BSN: variants seen among roughly 807,000 people sequenced by gnomAD.
BSN encodes protein bassoon.
A neutral mutation model predicts 264.8 loss-of-function variants in BSN; 57 were observed. That is an observed-to-expected ratio of 0.22 (90% confidence interval 0.17 to 0.27). The LOEUF (loss-of-function observed/expected upper bound fraction) is 0.27. Among genes scored for constraint, BSN ranks in the 10% least tolerant of loss-of-function variants. The pLI, the probability that BSN is intolerant of heterozygous loss-of-function variation, is 1.00. For synonymous variants in BSN, 2,059 were observed against 2,137.3 expected (o/e 0.96, Z 1.01); for missense variants, 4,615 against 5,232.5 (o/e 0.88, Z 3.64).
chr3:49,600,334 C>G (rs1426167137), intron 1 of BSN, among the ~76,000 whole-genome samples: 1 of 151,984 alleles, frequency 6.6e-6, no homozygotes, highest in Non-Finnish European at 1.5e-5. Flanking sequence ...ATCTGTGGAG[C>G]GTGCAGGGGC....
rs2052432494 is a variant in BSN, at chr3:49,638,065, G to C, written c.634-4203G>C. 6.6e-6 allele frequency among the ~76,000 whole-genome samples: 1 copy of C among 152,244 alleles called. No individual in the cohort carries two copies. Among genetic ancestry groups the C allele is most frequent in the African/African-American group, 2.4e-5 (1 of 41,462 alleles). Reference sequence around the variant, plus strand: ...ATCTCCTGCCCATGTGCCAGATCAGGATCTTGGAGGTATTAGACAGCAGAA... The same window carrying C: ...ATCTCCTGCCCATGTGCCAGATCAGCATCTTGGAGGTATTAGACAGCAGAA... On this transcript the variant is annotated intron_variant, in intron 2 of 11. Transcript: ENST00000296452. The surrounding 1 kb of genome is among the most constrained non-coding windows in gnomAD (Gnocchi z 4.3).
intron 1 of BSN, among the ~76,000 whole-genome samples, chr3:49,583,177 C>T (rs1258925134): frequency 1.3e-5 from 2 of 151,936 alleles, no homozygotes; most frequent in Non-Finnish European, 2.9e-5. Context: ...CTATATTGGC[C>T]AGGCTGGTCT....
Position 49,657,139 on chromosome 3 carries a change from A to T in BSN, c.7583A>T (p.His2528Leu), listed in dbSNP as rs2052611671. 2 of 1,613,176 alleles carry T rather than the reference A, an allele frequency of 1.2e-6. No individual in the cohort carries two copies. The highest frequency in any genetic ancestry group is 1.7e-5 in the Admixed American group (1 of 60,008). Residue 2528 changes from histidine (H) to leucine (L), a missense_variant, in exon 5 of 12, where the codon CAC becomes CTC. Around this residue, in one of 3 missense-constraint regions of BSN, gnomAD observed 3,415 missense variants for 3,866.4 expected, o/e 0.88. Coordinates refer to ENST00000296452, the MANE Select transcript of BSN (RefSeq NM_003458.4). ...GGGCAGCCTCGTGAGCCTGTGCTGC[A>T]CCGGGGTCTCCCCAGCTCTGCCTCA... ...GLGQPREPVL[H>L]RGLPSSASDM...
At chr3:49,567,755 G>T (rs2051764779) in intron 1 of BSN, among the ~76,000 whole-genome samples, 1 of 152,176 alleles carries the variant, frequency 6.6e-6, no homozygotes. Context: ...CCACTATTCT[G>T]GTCACAGATT....
intron 1 of BSN, among the ~76,000 whole-genome samples, chr3:49,605,959 A>T: frequency 1.1e-5 from 1 of 92,462 alleles, no homozygotes; most frequent in Admixed American, 2.0e-4. Context: ...ATATAAATAT[A>T]TAATAAAATA....
At chr3:49,575,764 C>G (rs1017368305) in intron 1 of BSN, among the ~76,000 whole-genome samples, 1 of 150,872 alleles carries the variant, frequency 6.6e-6, no homozygotes, top group Non-Finnish European at 1.5e-5. Flanking sequence ...CCCTTTTTTT[C>G]TAGTGCAGTC....
At chr3:49,658,559 A>G (rs1348536858) in intron 5 of BSN, among the ~76,000 whole-genome samples, 1 of 152,076 alleles carries the variant, frequency 6.6e-6, no homozygotes, top group African/African-American at 2.4e-5. Flanking sequence ...CTTCCACTCC[A>G]AACTTAATCT....
At chr3:49,645,525 C>T (rs2052498609) in intron 3 of BSN, among the ~76,000 whole-genome samples, 1 of 152,244 alleles carries the variant, frequency 6.6e-6, no homozygotes, top group Admixed American at 6.5e-5. Context: ...CCCATGCTCA[C>T]AGCCTTAGTC....
Position 49,671,536 on chromosome 3 carries a change from A to G in BSN, c.*4051A>G, listed in dbSNP as rs1246198203. ...TGTGGTATCAGAATAAAAGGACTTG[A>G]TATAAACAACCTACAGACTGTTTCT... On this transcript the variant is annotated 3_prime_UTR_variant, in exon 12 of 12. Transcript: ENST00000296452. This position sits in a 1 kb window ranked among gnomAD's most constrained non-coding sequence, Gnocchi z 4.1. The G allele has an allele frequency of 6.6e-6, 1 of 152,638 alleles. No homozygotes were observed. Among genetic ancestry groups the G allele is most frequent in the Non-Finnish European group, 1.5e-5 (1 of 68,058 alleles). The allele number at this position is 152,638 out of a possible 1,614,324, so 9.5% of individuals were successfully genotyped here.
rs142563062 is a variant in BSN at position 49,655,038 on chromosome 3, G to A, written c.5482G>A (p.Gly1828Ser). ...TCAGATGGGCACCGCCCAGAGCATT[G>A]GCCTCAAGCCAGGCCCAGTGCCAGA... ...ITQMGTAQSIGLKPGPVPEPG... is the reference protein window; with the variant it reads ...ITQMGTAQSISLKPGPVPEPG... Residue 1828 changes from glycine to serine, a missense_variant, in exon 5 of 12, where the codon GGC (glycine) becomes AGC (serine). Around this residue, in one of 3 missense-constraint regions of BSN, gnomAD observed 3,415 missense variants for 3,866.4 expected, o/e 0.88. Transcript: ENST00000296452. 60 of 1,613,130 alleles carry A rather than the reference G, an allele frequency of 3.7e-5. No individual in the cohort carries two copies. The African/African-American group carries it at 7.6e-4, about 20-fold the overall frequency.
In BSN at chr3:49,638,443, C is replaced by T. The variant is rs913011913; in HGVS notation, c.634-3825C>T. On this transcript the variant is annotated intron_variant, in intron 2 of 11. Transcript: ENST00000296452. This position sits in a 1 kb window ranked among gnomAD's most constrained non-coding sequence, Gnocchi z 4.3. ...AGGTTGGGCTCCTCCCAGGAAACTG[C>T]TGGGGATCTGTCGGGGAGGCAGAGA... Among the ~76,000 whole-genome samples, 1 of 152,128 alleles carries T rather than the reference C, an allele frequency of 6.6e-6. No homozygotes were observed. The highest frequency in any genetic ancestry group is 2.4e-5 in the African/African-American group (1 of 41,424).
chr3:49,643,116 C>A lies in BSN; in HGVS notation c.1482C>A (p.Asn494Lys), dbSNP rs903746960. ...TCTTCRLQVC[N>K]LCGFNPTPHL... ...CCACCTGCAGGCTCCAGGTGTGCAA[C>A]CTGTGTGGCTTCAACCCAACACCCC... Residue 494 changes from asparagine (N) to lysine (K), a missense_variant, in exon 3 of 12, where the codon AAC becomes AAA. Asn to Lys is a moderately conservative substitution (Grantham distance 94). This residue lies in a region of BSN where 1,197 missense variants were observed against 1,348.0 expected (regional missense o/e 0.89). Transcript: ENST00000296452. 5 of 1,612,562 alleles carry A rather than the reference C, an allele frequency of 3.1e-6. No homozygotes were observed. The highest frequency in any genetic ancestry group is 2.2e-5 in the South Asian group (2 of 91,048).
chr3:49,592,785 C>G (rs2051990166), intron 1 of BSN, among the ~76,000 whole-genome samples: 1 of 151,960 alleles, frequency 6.6e-6, no homozygotes, highest in South Asian at 2.1e-4. Flanking sequence ...AGAGAGATTC[C>G]TTTTACATTT....
rs1287275384 is a variant in BSN at position 49,656,426 on chromosome 3, C to G, written c.6870C>G (p.Ala2290=). 1 of 1,589,924 alleles carries G rather than the reference C, an allele frequency of 6.3e-7. No homozygotes were observed. The highest frequency in any genetic ancestry group is 1.1e-5 in the South Asian group (1 of 87,794). The change falls in exon 5 of 12, where the codon GCC becomes GCG. Residue 2290 remains alanine (A), a synonymous_variant. Transcript: ENST00000296452. ...TGGGGAAACCTGCTGCTGCCAAGGC[C>G]CCTGGGGCTGGGGGCCCTTCAAGGC... ...VYLGKPAAAK[A]PGAGGPSRPE... is the part of the protein sequence containing the mutation.
chr3:49,655,356 C>G lies in BSN; in HGVS notation c.5800C>G (p.Pro1934Ala). 6.3e-7 allele frequency: 1 copy of G among 1,597,212 alleles called. No homozygotes were observed. The highest frequency in any genetic ancestry group is 8.5e-7 in the Non-Finnish European group (1 of 1,171,510). The change falls in exon 5 of 12, where the codon CCT (proline) becomes GCT (alanine). Residue 1934 changes from proline (P) to alanine (A), a missense_variant. Around this residue, in one of 3 missense-constraint regions of BSN, gnomAD observed 3,415 missense variants for 3,866.4 expected, o/e 0.88. Coordinates refer to ENST00000296452, the MANE Select transcript of BSN (RefSeq NM_003458.4). The stretch of plus-strand genomic sequence containing the variant: ...GAAGAGCATGGCAGATGCTGCCCCA[C>G]CTGGCCAAAGCAGCAGCCCCTTCTA... ...PEKSMADAAP[P>A]GQSSSPFYGP...
rs1208926862 is a variant in BSN at position 49,585,645 on chromosome 3, AC to A, written c.224+30823del. Among the ~76,000 whole-genome samples, 4 of 152,166 alleles carry A rather than the reference AC, an allele frequency of 2.6e-5. No individual in the cohort carries two copies. Among genetic ancestry groups the A allele is most frequent in the Non-Finnish European group, 5.9e-5 (4 of 68,032 alleles). ...CAGCCGCCCCTGGGCGCTGCGTCTA[AC>A]CCCAATTTTTAGTTTTTTGAGAAAC... On this transcript the variant is annotated intron_variant, in intron 1 of 11. Coordinates refer to ENST00000296452, the MANE Select transcript of BSN (RefSeq NM_003458.4). This position sits in a 1 kb window ranked among gnomAD's most constrained non-coding sequence, Gnocchi z 4.7.
chr3:49,606,100 TATA>T lies in BSN; in HGVS notation c.225-18871_225-18869del, dbSNP rs1443413155. Among the ~76,000 whole-genome samples, 4 of 34,084 alleles carry T rather than the reference TATA, an allele frequency of 1.2e-4. 1 individual carries two copies. The highest frequency in any genetic ancestry group is 3.4e-4 in the African/African-American group (3 of 8,872). The allele number at this position is 34,084 out of a possible 152,430, so 22.4% of individuals were successfully genotyped here. ...AATATATAATTTTTTATATATAACA[TATA>T]ATATATAATATATACGTATATATTA... On this transcript the variant is annotated intron_variant, in intron 1 of 11. Transcript: ENST00000296452.
chr3:49,560,824 TGTG>T (rs2051706218), intron 1 of BSN, among the ~76,000 whole-genome samples: 1 of 152,204 alleles, frequency 6.6e-6, no homozygotes, highest in Non-Finnish European at 1.5e-5. Context: ...TCTCACTCTC[TGTG>T]GTTCCTTCTG....
At chr3:49,575,656 GTGTA>G (rs1042870612) in intron 1 of BSN, among the ~76,000 whole-genome samples, 27 of 64,584 alleles carry the variant, frequency 4.2e-4, no homozygotes, top group Middle Eastern at 5.5e-3. Context: ...GTGTGTGTGT[GTGTA>G]TATATATATA....
Sources: allele counts gnomAD v4.1 joint callset (sites outside exome capture counted in the v4.1 genomes callset), GRCh38; gene constraint gnomAD v4.1.1; regional missense constraint gnomAD v4.1.1; non-coding constraint Gnocchi (gnomAD v3.1); transcripts MANE v1.5; gene names NCBI Gene and HGNC (gene_info 2026-07-23, HGNC 2026-07-21).